ERI1: variants seen among roughly 807,000 people sequenced by gnomAD.
The protein encoded by ERI1 is exoribonuclease 1.
ERI1 carries 39 observed loss-of-function variants against 39.7 expected under a neutral mutation model. That is an observed-to-expected ratio of 0.98 (90% CI 0.76 to 1.28). ERI1 has a LOEUF of 1.28. Among genes scored for constraint, ERI1 ranks in the 50% most tolerant of loss-of-function variants. ERI1 has a pLI of 0.00. For missense variants in ERI1, 581 were observed against 416.9 expected (o/e 1.39, Z -3.43); for synonymous variants, 204 against 149.6 (o/e 1.36, Z -2.65).
intron 6 of ERI1, among the ~76,000 whole-genome samples, chr8:9,021,431 A>G (rs1281301428): frequency 6.6e-6 from 1 of 152,030 alleles, no homozygotes; most frequent in African/African-American, 2.4e-5. Context: ...TTCTCCCTTT[A>G]CAGTTTCATT....
intron 2 of ERI1, among the ~76,000 whole-genome samples, chr8:9,010,372 C>T (rs1007740036): frequency 5.3e-5 from 8 of 152,180 alleles, no homozygotes; most frequent in Admixed American, 4.6e-4. Flanking sequence ...ACACAGAGGT[C>T]ACTCACAGTG....
At chr8:9,066,188 C>T (rs1798871626) in intron 3 of ERI1, among the ~76,000 whole-genome samples, 1 of 152,192 alleles carries the variant, frequency 6.6e-6, no homozygotes, top group Non-Finnish European at 1.5e-5. Context: ...TCTTCCTCTT[C>T]TTTGTCCTCC....
chr8:9,063,227 G>A (rs138891886), intron 3 of ERI1, among the ~76,000 whole-genome samples: 2 of 152,110 alleles, frequency 1.3e-5, no homozygotes, highest in East Asian at 1.9e-4. Context: ...GCTGTAAAGC[G>A]TCTCAGAGTT....
At chr8:9,034,263 T>C (rs757611106), downstream of ERI1, among the ~76,000 whole-genome samples, 15 of 152,388 alleles carry the variant, frequency 9.8e-5, no homozygotes, top group Non-Finnish European at 8.8e-5. Flanking sequence ...TAGATTTGTT[T>C]TAGGATGAAT....
chr8:9,025,403 A>C (rs996583279), intron 6 of ERI1, among the ~76,000 whole-genome samples: 3 of 152,214 alleles, frequency 2.0e-5, no homozygotes, highest in African/African-American at 7.2e-5. Flanking sequence ...TCTTATAGGG[A>C]CTTGTTCAGC....
chr8:9,088,044 A>T (rs1219156388), intron 3 of ERI1, among the ~76,000 whole-genome samples: 4 of 152,184 alleles, frequency 2.6e-5, no homozygotes, highest in Non-Finnish European at 4.4e-5. Context: ...TGTGTGACTC[A>T]CGCTGCGGTA....
In ERI1 at chr8:9,032,436, T is replaced by A. The variant is rs892370767; in HGVS notation, c.*2402T>A. Reference sequence around the variant, plus strand: ...TGAAGTATATAATAGAGCATTACATTTTATCTTTATTTGTGTTCTGTTGGA... The same window carrying A: ...TGAAGTATATAATAGAGCATTACATATTATCTTTATTTGTGTTCTGTTGGA... On this transcript the variant is annotated 3_prime_UTR_variant, in exon 7 of 7. Coordinates refer to ENST00000250263, the MANE Select transcript of ERI1 (RefSeq NM_153332.4). 6.6e-6 allele frequency: 1 copy of A among 152,212 alleles called. No homozygotes were observed. The highest frequency in any genetic ancestry group is 6.5e-5 in the Admixed American group (1 of 15,280). 9.4% of individuals were successfully genotyped at this position (152,212 alleles called of 1,614,324 possible).
intron 3 of ERI1, among the ~76,000 whole-genome samples, chr8:9,089,064 T>C (rs1284688175): frequency 6.6e-6 from 1 of 152,214 alleles, no homozygotes; most frequent in Admixed American, 6.5e-5. Flanking sequence ...GTGTGATATT[T>C]GGCAAGTTAT....
chr8:9,050,549 A>G (rs1389027820), intron 3 of ERI1, among the ~76,000 whole-genome samples: 1 of 152,060 alleles, frequency 6.6e-6, no homozygotes, highest in East Asian at 1.9e-4. Context: ...TTGAAGCTAG[A>G]ACAGAAAAAG....
chr8:9,090,961 G>A (rs979674559), intron 3 of ERI1, among the ~76,000 whole-genome samples: 7 of 152,068 alleles, frequency 4.6e-5, no homozygotes, highest in Non-Finnish European at 1.0e-4. Flanking sequence ...CTAATACTTA[G>A]CATTTAAGGA....
intron 3 of ERI1, among the ~76,000 whole-genome samples, chr8:9,039,284 A>G (rs547751620): frequency 8.3e-4 from 127 of 152,302 alleles, no homozygotes; most frequent in Non-Finnish European, 1.6e-4. Flanking sequence ...TATTTTTATT[A>G]TATGTTTCGT....
intron 4 of ERI1, among the ~76,000 whole-genome samples, chr8:9,017,082 C>G (rs1356492601): frequency 6.6e-6 from 1 of 152,024 alleles, no homozygotes; most frequent in Non-Finnish European, 1.5e-5. Context: ...CTCTGTTGCC[C>G]AGGCTGGAGT....
At chr8:9,016,179 G>T in intron 3 of ERI1, 143 bp from the exon 4 acceptor site, 1 of 434,666 alleles carries the variant, frequency 2.3e-6, no homozygotes, top group East Asian at 3.4e-5. Context: ...CTTTCGATGT[G>T]GGGAATTATT....
At chr8:9,043,943 C>T (rs1798100221) in intron 3 of ERI1, among the ~76,000 whole-genome samples, 1 of 152,166 alleles carries the variant, frequency 6.6e-6, no homozygotes, top group East Asian at 1.9e-4. Flanking sequence ...AAGTAAGTTT[C>T]AAAAGAGGCC....
intron 3 of ERI1, among the ~76,000 whole-genome samples, chr8:9,095,222 A>G (rs1398414954): frequency 6.6e-6 from 1 of 152,176 alleles, no homozygotes; most frequent in Non-Finnish European, 1.5e-5. Context: ...CAGGGAGTAC[A>G]TGTGCAGGTT....
chr8:9,033,924 T>G (rs774818782), downstream of ERI1, among the ~76,000 whole-genome samples: 1 of 152,258 alleles, frequency 6.6e-6, no homozygotes, highest in Non-Finnish European at 1.5e-5. Context: ...CAGGAGGTAA[T>G]TTGATGTTCA....
chr8:9,028,398 G>T (rs990995937), intron 6 of ERI1, among the ~76,000 whole-genome samples: 6 of 152,168 alleles, frequency 3.9e-5, no homozygotes, highest in Non-Finnish European at 5.9e-5. Context: ...ATAATTAGTG[G>T]AAGGTACAGG....
rs766625084 is a variant in ERI1, at chr8:9,020,387, C to G, written c.730C>G (p.Gln244Glu). 2 of 1,604,080 alleles carry G rather than the reference C, an allele frequency of 1.2e-6. No individual in the cohort carries two copies. Among genetic ancestry groups the G allele is most frequent in the South Asian group, 1.1e-5 (1 of 88,266 alleles). Reference protein sequence around the residue: ...DMSKFLNIQCQLSRLKYPPFA... With the variant: ...DMSKFLNIQCELSRLKYPPFA... ...GAGTAAGTTCTTGAACATTCAGTGT[C>G]AACTCAGCAGGCTCAAATACCCTCC... Residue 244 changes from glutamine (Q) to glutamate (E), a missense_variant, in exon 6 of 7, where the codon CAA becomes GAA. Coordinates refer to ENST00000250263, the MANE Select transcript of ERI1 (RefSeq NM_153332.4).
intron 3 of ERI1, among the ~76,000 whole-genome samples, chr8:9,041,526 CAAGG>C (rs1302487009): frequency 1.3e-5 from 2 of 152,156 alleles, no homozygotes; most frequent in Non-Finnish European, 2.9e-5. Context: ...GCATCAGTAA[CAAGG>C]AACATTCAAA....
Sources: gnomAD v4.1 joint callset for allele counts (sites outside exome capture counted in the v4.1 genomes callset) on GRCh38, gnomAD v4.1.1 for gene constraint, MANE v1.5 for transcripts, NCBI Gene and HGNC (gene_info 2026-07-23, HGNC 2026-07-21) for gene names.